The following ZNF804A variants were observed in gnomAD, a reference collection of about 807,000 sequenced individuals.
ZNF804A encodes zinc finger protein 804A.
In ZNF804A, 2 loss-of-function variants were observed where a neutral mutation model predicts 16.5. The observed-to-expected ratio is 0.12, with a 90% CI of 0.05 to 0.38. The LOEUF (loss-of-function observed/expected upper bound fraction) is 0.38. Among genes scored for constraint, ZNF804A ranks in the 10% least tolerant of loss-of-function variants. ZNF804A has a pLI of 0.99. For missense variants in ZNF804A, 1,473 were observed against 1,390.7 expected (o/e 1.06, Z -0.94); for synonymous variants, 534 against 489.6 (o/e 1.09, Z -1.20).
intron 1 of ZNF804A, among the ~76,000 whole-genome samples, chr2:184,692,238 G>A (rs1053321836): frequency 2.0e-5 from 3 of 152,094 alleles, no homozygotes; most frequent in Non-Finnish European, 2.9e-5. Context: ...ACAATACTTC[G>A]CACACACTGA....
At chr2:184,610,303 C>A (rs2105671272) in intron 1 of ZNF804A, among the ~76,000 whole-genome samples, 1 of 152,180 alleles carries the variant, frequency 6.6e-6, no homozygotes, top group Non-Finnish European at 1.5e-5. Flanking sequence ...GTCAAGTATT[C>A]TTTTATAGCA....
intron 2 of ZNF804A, among the ~76,000 whole-genome samples, chr2:184,887,174 A>G (rs1277729041): frequency 1.3e-5 from 2 of 152,326 alleles, no homozygotes; most frequent in African/African-American, 4.8e-5. Flanking sequence ...AAGTTCCACA[A>G]ATCTCCAGGG....
Position 184,755,988 on chromosome 2 carries a change from C to G in ZNF804A, c.112-110381C>G, listed in dbSNP as rs565860721. Among the ~76,000 whole-genome samples, 26 of 151,990 alleles carry G rather than the reference C, an allele frequency of 1.7e-4. No individual in the cohort carries two copies. The South Asian group carries it at 3.7e-3, about 22-fold the overall frequency. On this transcript the variant is annotated intron_variant, in intron 1 of 3. Transcript: ENST00000302277. ...AACATGCAAATTATTTAATGTTTAACAAAATATTAGTTTGCTTGTTTCTAA... is the reference window on the plus strand; with the variant it reads ...AACATGCAAATTATTTAATGTTTAAGAAAATATTAGTTTGCTTGTTTCTAA...
chr2:184,937,452 A>G lies in ZNF804A; in HGVS notation c.2056A>G (p.Thr686Ala). The G allele has an allele frequency of 6.2e-7, 1 of 1,609,240 alleles. No individual in the cohort carries two copies. The highest frequency in any genetic ancestry group is 8.5e-7 in the Non-Finnish European group (1 of 1,178,414). The change falls in exon 4 of 4, where the codon ACT becomes GCT. Residue 686 changes from threonine to alanine, a missense_variant. Coordinates refer to ENST00000302277, the MANE Select transcript of ZNF804A (RefSeq NM_194250.2). Reference protein sequence around the residue: ...TWNTEYNTYDTISSKNHCKKN... With the variant: ...TWNTEYNTYDAISSKNHCKKN... ...GAATACTGAATACAACACTTATGAT[A>G]CTATCAGTTCTAAAAACCACTGTAA...
At chr2:184,731,564 C>CTTTTTTTT (rs34877709) in intron 1 of ZNF804A, among the ~76,000 whole-genome samples, 11 of 84,682 alleles carry the variant, frequency 1.3e-4, no homozygotes, top group Non-Finnish European at 1.9e-4. Context: ...GTCTTTAACG[C>CTTTTTTTT]TTTTTTTTTT....
In ZNF804A at chr2:184,714,159, G is replaced by T. The variant is rs184800798; in HGVS notation, c.111+115089G>T. ...AATTGTTAAATCATGTTGGAAAGTG[G>T]TTGATCTGCTTCAAATGGTTCCTAA... is the stretch of plus-strand genomic sequence containing the variant. On this transcript the variant is annotated intron_variant, in intron 1 of 3. Coordinates refer to ENST00000302277, the MANE Select transcript of ZNF804A (RefSeq NM_194250.2). Among the ~76,000 whole-genome samples, 631 of 152,056 alleles carry T rather than the reference G, an allele frequency of 4.1e-3. 2 individuals are homozygous for T. Among genetic ancestry groups the T allele is most frequent in the Middle Eastern group, 0.017 (5 of 294 alleles).
chr2:184,703,612 C>T (rs1249881645), intron 1 of ZNF804A, among the ~76,000 whole-genome samples: 1 of 146,236 alleles, frequency 6.8e-6, no homozygotes, highest in Non-Finnish European at 1.5e-5. Context: ...ATGGCGTGAA[C>T]CCAGGAGGTG....
chr2:184,793,594 A>G (rs1694586406), intron 1 of ZNF804A, among the ~76,000 whole-genome samples: 1 of 151,994 alleles, frequency 6.6e-6, no homozygotes, highest in Non-Finnish European at 1.5e-5. Context: ...TCCATAGATT[A>G]TTGGGGAACA....
At chr2:184,909,515 T>C (rs1005976520) in intron 2 of ZNF804A, among the ~76,000 whole-genome samples, 1 of 152,068 alleles carries the variant, frequency 6.6e-6, no homozygotes, top group Non-Finnish European at 1.5e-5. Flanking sequence ...ACAAATGAAA[T>C]GTCATCATAT....
chr2:184,801,074 G>A (rs1694718303), intron 1 of ZNF804A, among the ~76,000 whole-genome samples: 1 of 151,940 alleles, frequency 6.6e-6, no homozygotes, highest in Non-Finnish European at 1.5e-5. Flanking sequence ...TCTTTTGAAG[G>A]GTAAGTTTGC....
chr2:184,831,361 C>T (rs941551301), intron 1 of ZNF804A, among the ~76,000 whole-genome samples: 2 of 151,900 alleles, frequency 1.3e-5, no homozygotes, highest in African/African-American at 4.8e-5. Context: ...TTTAATCACT[C>T]TTTCTCTGAA....
chr2:184,628,421 G>C (rs1205392358), intron 1 of ZNF804A, among the ~76,000 whole-genome samples: 2 of 151,926 alleles, frequency 1.3e-5, no homozygotes, highest in East Asian at 3.9e-4. Flanking sequence ...AAAATTACAA[G>C]TATTAATAAT....
chr2:184,617,756 ATCT>A (rs1420089210), intron 1 of ZNF804A, among the ~76,000 whole-genome samples: 2 of 151,562 alleles, frequency 1.3e-5, no homozygotes, highest in Admixed American at 6.6e-5. Context: ...CCTTTGATTA[ATCT>A]TCTCTAAATC....
intron 1 of ZNF804A, among the ~76,000 whole-genome samples, chr2:184,608,384 G>T (rs1234671718): frequency 6.6e-6 from 1 of 152,124 alleles, no homozygotes; most frequent in Non-Finnish European, 1.5e-5. Flanking sequence ...TTCCATATTG[G>T]GTATCTTAGG....
intron 1 of ZNF804A, among the ~76,000 whole-genome samples, chr2:184,803,700 C>T (rs1371625951): frequency 6.6e-6 from 1 of 152,082 alleles, no homozygotes; most frequent in Non-Finnish European, 1.5e-5. Flanking sequence ...CAATTTAATT[C>T]CTCATACTTC....
At chr2:184,687,810 C>G (rs1692662107) in intron 1 of ZNF804A, among the ~76,000 whole-genome samples, 1 of 152,152 alleles carries the variant, frequency 6.6e-6, no homozygotes, top group South Asian at 2.1e-4. Flanking sequence ...AAAATTTAGA[C>G]AGGCCAAATG....
chr2:184,938,995 C>T lies in ZNF804A; in HGVS notation c.3599C>T (p.Pro1200Leu). Residue 1200 changes from proline (P) to leucine (L), a missense_variant, in exon 4 of 4, where the codon CCT (proline) becomes CTT (leucine). Transcript: ENST00000302277. ...ALFPSLLSPH[P>L]TVIPLQPLF Reference sequence around the variant, plus strand: ...TTTCCTTCACTGCTTTCCCCACACCCTACTGTCATCCCTTTGCAACCTCTC... The same window carrying T: ...TTTCCTTCACTGCTTTCCCCACACCTTACTGTCATCCCTTTGCAACCTCTC... The T allele has an allele frequency of 6.2e-7, 1 of 1,614,012 alleles. No homozygotes were observed. Among genetic ancestry groups the T allele is most frequent in the Non-Finnish European group, 8.5e-7 (1 of 1,179,914 alleles).
intron 2 of ZNF804A, among the ~76,000 whole-genome samples, chr2:184,883,038 G>A (rs1400198874): frequency 6.6e-6 from 1 of 151,982 alleles, no homozygotes; most frequent in Admixed American, 6.6e-5. Flanking sequence ...TCACTAGCTA[G>A]ACTAACAAAG....
intron 1 of ZNF804A, among the ~76,000 whole-genome samples, chr2:184,746,737 T>C (rs1693795503): frequency 6.6e-6 from 1 of 151,452 alleles, no homozygotes; most frequent in African/African-American, 2.4e-5. Context: ...ATCATTCTAC[T>C]CTTTATCTCC....
Sources: allele counts gnomAD v4.1 joint callset (sites outside exome capture counted in the v4.1 genomes callset), GRCh38; gene constraint gnomAD v4.1.1; transcripts MANE v1.5; gene names NCBI Gene and HGNC (gene_info 2026-07-23, HGNC 2026-07-21).